The following ADGRG6 variants were observed in gnomAD, a reference collection of about 807,000 sequenced individuals.
ADGRG6 encodes adhesion G protein-coupled receptor G6, also known as G-protein coupled receptor 126.
ADGRG6 carries 84 observed loss-of-function variants against 142.4 expected under a neutral mutation model. The ratio of observed to expected loss-of-function variants is 0.59; its 90% CI spans 0.49 to 0.71. The LOEUF is 0.71. Among genes scored for constraint, ADGRG6 ranks in the 30% least tolerant of loss-of-function variants. The pLI, the probability that ADGRG6 is intolerant of heterozygous loss-of-function variation, is 0.00. For missense variants in ADGRG6, 1,367 were observed against 1,466.6 expected (o/e 0.93, Z 1.11); for synonymous variants, 521 against 520.5 (o/e 1.00, Z -0.01).
chr6:142,361,944 A>G (rs1780741385), intron 2 of ADGRG6, among the ~76,000 whole-genome samples: 1 of 152,112 alleles, frequency 6.6e-6, no homozygotes, highest in Non-Finnish European at 1.5e-5. Context: ...AGTGATGTAT[A>G]TCTACATAAC....
At chr6:142,428,283 G>T (rs1437856560) in intron 22 of ADGRG6, among the ~76,000 whole-genome samples, 1 of 150,910 alleles carries the variant, frequency 6.6e-6, no homozygotes, top group East Asian at 1.9e-4. Context: ...TTATTTTTAT[G>T]TACACTTATA....
At chr6:142,439,995 T>G (rs1777669898) in intron 24 of ADGRG6, among the ~76,000 whole-genome samples, 1 of 152,208 alleles carries the variant, frequency 6.6e-6, no homozygotes, top group Admixed American at 6.5e-5. Flanking sequence ...CTTAATGCCT[T>G]ATCAGTTATT....
intron 2 of ADGRG6, among the ~76,000 whole-genome samples, chr6:142,341,488 A>G (rs1247263356): frequency 1.7e-5 from 2 of 118,798 alleles, no homozygotes; most frequent in African/African-American, 6.6e-5. Context: ...TATATATACT[A>G]TATAATATTA....
At chr6:142,394,543 A>G (rs1775071540) in intron 9 of ADGRG6, among the ~76,000 whole-genome samples, 1 of 150,700 alleles carries the variant, frequency 6.6e-6, no homozygotes, top group Non-Finnish European at 1.5e-5. Flanking sequence ...ATTTAGTTGT[A>G]TTTAGGTTAT....
intron 2 of ADGRG6, among the ~76,000 whole-genome samples, chr6:142,350,291 AT>A (rs1780105707): frequency 6.6e-6 from 1 of 152,238 alleles, no homozygotes; most frequent in South Asian, 2.1e-4. Flanking sequence ...TTGGGAAAAA[AT>A]AATTTTCATT....
At chr6:142,387,873 A>G (rs1383073216) in intron 6 of ADGRG6, among the ~76,000 whole-genome samples, 1 of 152,184 alleles carries the variant, frequency 6.6e-6, no homozygotes, top group African/African-American at 2.4e-5. Flanking sequence ...TTCTTAAATC[A>G]TTTTTCCCCA....
chr6:142,395,633 G>T (rs1775146947), intron 9 of ADGRG6, among the ~76,000 whole-genome samples: 1 of 152,162 alleles, frequency 6.6e-6, no homozygotes, highest in Admixed American at 6.5e-5. Flanking sequence ...TAGGGAGAAT[G>T]AACTGAGACA....
chr6:142,315,555 A>T (rs1398763863), intron 2 of ADGRG6, among the ~76,000 whole-genome samples: 1 of 152,054 alleles, frequency 6.6e-6, no homozygotes, highest in South Asian at 2.1e-4. Context: ...AACTAACATG[A>T]TTATACACCT....
rs1777842276 is a variant in ADGRG6, at chr6:142,443,252, G to A, written c.3575-85G>A. The stretch of plus-strand genomic sequence containing the variant: ...TTATTTTCTTTTGTTCTTCTTTAAT[G>A]TGCAAAACGGAGTATACAATATGGT... On this transcript the variant is annotated intron_variant, in intron 24 of 24. Transcript: ENST00000367609. The A allele has an allele frequency of 1.1e-5, 8 of 744,326 alleles. No individual in the cohort carries two copies. In the South Asian group the frequency reaches 1.1e-4, roughly 10 times the overall value. 46.1% of individuals were successfully genotyped at this position (744,326 alleles called of 1,614,324 possible). A position where few individuals can be genotyped will look rare whatever the true frequency, so the allele number is the denominator to read the frequency against.
chr6:142,318,238 A>T (rs1416918815), intron 2 of ADGRG6, among the ~76,000 whole-genome samples: 5 of 66,826 alleles, frequency 7.5e-5, no homozygotes, highest in Non-Finnish European at 1.0e-4. Flanking sequence ...TATATTATAT[A>T]TATTTATATA....
intron 2 of ADGRG6, among the ~76,000 whole-genome samples, chr6:142,326,415 G>C (rs558105313): frequency 6.6e-6 from 1 of 151,524 alleles, no homozygotes; most frequent in East Asian, 1.9e-4. Flanking sequence ...AAATGGTAAT[G>C]AAAAATTAAC....
intron 24 of ADGRG6, among the ~76,000 whole-genome samples, chr6:142,441,246 G>C (rs1287280316): frequency 3.3e-5 from 5 of 152,130 alleles, no homozygotes; most frequent in Non-Finnish European, 1.5e-5. Flanking sequence ...AGCAGTACTT[G>C]AGAAAAGATT....
At chr6:142,311,286 T>C (rs967889697) in intron 2 of ADGRG6, among the ~76,000 whole-genome samples, 2 of 151,944 alleles carry the variant, frequency 1.3e-5, no homozygotes, top group African/African-American at 4.8e-5. Flanking sequence ...ATTAAACTTT[T>C]TGTGTATCAG....
chr6:142,408,267 C>G lies in ADGRG6; in HGVS notation c.2386C>G (p.Gln796Glu). The change falls in exon 16 of 25, where the codon CAG becomes GAG. Residue 796 changes from glutamine (Q) to glutamate (E), a missense_variant and splice_region_variant. Coordinates refer to ENST00000367609, the MANE Select transcript of ADGRG6 (RefSeq NM_198569.3). ...AATAAAAATCAAACATACAAGAACT[C>G]AGGTAAGAAAACGCTCCCAATAGCA... ...VQIKIKHTRT[Q>E]EVHHPICAFW... 6.4e-7 allele frequency: 1 copy of G among 1,557,866 alleles called. No individual in the cohort carries two copies. Among genetic ancestry groups the G allele is most frequent in the Non-Finnish European group, 8.7e-7 (1 of 1,148,936 alleles).
At chr6:142,440,212 G>A (rs1377323452) in intron 24 of ADGRG6, among the ~76,000 whole-genome samples, 1 of 152,102 alleles carries the variant, frequency 6.6e-6, no homozygotes, top group Admixed American at 6.6e-5. Context: ...ATGCAGAGAT[G>A]GAGGTCCAAA....
At chr6:142,355,291 C>T (rs535721347) in intron 2 of ADGRG6, among the ~76,000 whole-genome samples, 21 of 151,906 alleles carry the variant, frequency 1.4e-4, no homozygotes, top group Non-Finnish European at 2.6e-4. Flanking sequence ...TCCCAGCTAT[C>T]AGTGTTATTT....
At chr6:142,308,269 A>AT (rs1384943847) in intron 1 of ADGRG6, among the ~76,000 whole-genome samples, 26 of 151,960 alleles carry the variant, frequency 1.7e-4, no homozygotes, top group African/African-American at 5.1e-4. Context: ...TACAGGTAAG[A>AT]AATAGGAGGC....
chr6:142,341,518 A>G (rs1359482876), intron 2 of ADGRG6, among the ~76,000 whole-genome samples: 1 of 117,784 alleles, frequency 8.5e-6, no homozygotes, highest in Admixed American at 1.1e-4. Context: ...TATACTACAT[A>G]ATATTATATA....
chr6:142,361,977 CA>C (rs1452446550), intron 2 of ADGRG6, among the ~76,000 whole-genome samples: 1 of 152,266 alleles, frequency 6.6e-6, no homozygotes, highest in Non-Finnish European at 1.5e-5. Context: ...GAATGATTTA[CA>C]ACAGTTCATT....
Sources: allele counts gnomAD v4.1 joint callset (sites outside exome capture counted in the v4.1 genomes callset), GRCh38; gene constraint gnomAD v4.1.1; transcripts MANE v1.5; gene names NCBI Gene and HGNC (gene_info 2026-07-23, HGNC 2026-07-21).